COG6: variants seen among roughly 807,000 people sequenced by gnomAD.
COG6 encodes the protein component of oligomeric golgi complex 6, also known as conserved oligomeric Golgi complex subunit 6.
A neutral mutation model predicts 88.8 loss-of-function variants in COG6; 74 were observed. That is an observed-to-expected ratio of 0.83 (90% CI 0.69 to 1.01). The LOEUF (loss-of-function observed/expected upper bound fraction) is 1.01, where lower values mean the gene tolerates loss of function less well. Ranked by LOEUF, COG6 falls within the 50% of genes least tolerant of loss-of-function variation. The pLI, the probability that COG6 is intolerant of heterozygous loss-of-function variation, is 0.00. For synonymous variants in COG6, 286 were observed against 278.7 expected (o/e 1.03, Z -0.26); for missense variants, 800 against 797.9 (o/e 1.00, Z -0.03).
At chr13:39,692,809 T>A (rs937140576) in intron 11 of COG6, among the ~76,000 whole-genome samples, 1 of 152,042 alleles carries the variant, frequency 6.6e-6, no homozygotes, top group African/African-American at 2.4e-5. Context: ...CTTCTCGTAA[T>A]GCAGTTAGGA....
intron 15 of COG6, 84 bp from the exon 16 acceptor site, chr13:39,723,249 T>C (rs1878944401): frequency 2.5e-6 from 2 of 804,418 alleles, no homozygotes; most frequent in Non-Finnish European, 2.2e-6. Flanking sequence ...CTGTGCCTCA[T>C]CATCAGTGCC....
intron 18 of COG6, among the ~76,000 whole-genome samples, chr13:39,745,864 A>C (rs182938363): frequency 1.3e-5 from 2 of 152,328 alleles, no homozygotes; most frequent in East Asian, 1.9e-4. Flanking sequence ...CTGGATTAAG[A>C]AAATGTGGCA....
intron 11 of COG6, among the ~76,000 whole-genome samples, chr13:39,693,809 A>T (rs1183402744): frequency 6.6e-6 from 1 of 151,976 alleles, no homozygotes; most frequent in Non-Finnish European, 1.5e-5. Flanking sequence ...TTAAAAGCAT[A>T]TATTAAACAT....
At chr13:39,765,629 A>G (rs1345780812) in intron 18 of COG6, among the ~76,000 whole-genome samples, 3 of 152,072 alleles carry the variant, frequency 2.0e-5, no homozygotes, top group Non-Finnish European at 4.4e-5. Context: ...TTTTAACTGT[A>G]TGTTGCAACT....
At chr13:39,775,869 A>G (rs1417813474) in intron 18 of COG6, among the ~76,000 whole-genome samples, 2 of 151,506 alleles carry the variant, frequency 1.3e-5, no homozygotes, top group African/African-American at 4.9e-5. Context: ...TCCCAGGTTC[A>G]AGTGATTCTC....
chr13:39,760,414 C>A (rs1271092597), intron 18 of COG6, among the ~76,000 whole-genome samples: 1 of 151,954 alleles, frequency 6.6e-6, no homozygotes, highest in African/African-American at 2.4e-5. Flanking sequence ...CTATTAGATT[C>A]TTTTACAGAC....
chr13:39,704,173 A>G (rs1370871882), intron 13 of COG6, among the ~76,000 whole-genome samples: 3 of 152,180 alleles, frequency 2.0e-5, no homozygotes, highest in Non-Finnish European at 4.4e-5. Context: ...AAGTTTCTAT[A>G]TATTTTATTA....
exon 19 of COG6, chr13:39,788,530 G>A (rs753692083): frequency 9.9e-5 from 61 of 618,314 alleles, no homozygotes; most frequent in Non-Finnish European, 1.7e-4. Flanking sequence ...TGTGAGGGAT[G>A]AACCAAATGG....
At chr13:39,788,200 C>A in intron 18 of COG6, 1 of 882,924 alleles carries the variant, frequency 1.1e-6, no homozygotes. Context: ...TACTCCACCA[C>A]ATGGTAATCA....
Position 39,758,449 on chromosome 13 carries a change from G to A in COG6, c.1827-29886G>A, listed in dbSNP as rs539078449. On this transcript the variant is annotated intron_variant, in intron 18 of 18. Transcript: ENST00000416691. ...TGTGCCAAGTATTTGAATAGGTAAAGAAGATGCACAGATAGCTAACCCTAA... is the reference window on the plus strand; with the variant it reads ...TGTGCCAAGTATTTGAATAGGTAAAAAAGATGCACAGATAGCTAACCCTAA... Among the ~76,000 whole-genome samples the A allele has an allele frequency of 2.0e-5, 3 of 152,252 alleles. No homozygotes were observed. In the East Asian group the frequency reaches 5.8e-4, roughly 29 times the overall value.
intron 8 of COG6, among the ~76,000 whole-genome samples, chr13:39,685,644 G>A (rs750699550): frequency 2.4e-4 from 36 of 152,136 alleles, no homozygotes; most frequent in Non-Finnish European, 3.8e-4. Context: ...AAAGTTAAAC[G>A]TTTGTGAATT....
At chr13:39,716,676 T>C (rs1165199623) in intron 13 of COG6, among the ~76,000 whole-genome samples, 1 of 152,180 alleles carries the variant, frequency 6.6e-6, no homozygotes, top group African/African-American at 2.4e-5. Flanking sequence ...GGGTTAGTTA[T>C]ATTTCCTGAG....
intron 18 of COG6, among the ~76,000 whole-genome samples, chr13:39,739,882 A>G (rs533177318): frequency 2.6e-5 from 4 of 152,160 alleles, no homozygotes; most frequent in Non-Finnish European, 5.9e-5. Flanking sequence ...GCAATTAACA[A>G]ACTAATAGAA....
At chr13:39,669,491 A>G (rs1364558347) in intron 4 of COG6, among the ~76,000 whole-genome samples, 7 of 152,220 alleles carry the variant, frequency 4.6e-5, no homozygotes, top group African/African-American at 7.2e-5. Context: ...TGTTTCTCCT[A>G]AACTGTGAGC....
intron 13 of COG6, among the ~76,000 whole-genome samples, chr13:39,716,904 A>T (rs905973663): frequency 2.6e-5 from 4 of 152,176 alleles, no homozygotes; most frequent in African/African-American, 9.6e-5. Context: ...AAAATACATT[A>T]AAACTGTCTT....
intron 13 of COG6, among the ~76,000 whole-genome samples, chr13:39,709,050 A>G (rs909574688): frequency 6.6e-6 from 1 of 152,158 alleles, no homozygotes; most frequent in Non-Finnish European, 1.5e-5. Flanking sequence ...GGAGTCTGAT[A>G]GAGCTGTACT....
chr13:39,763,229 T>C (rs1183159631), intron 18 of COG6, among the ~76,000 whole-genome samples: 2 of 151,714 alleles, frequency 1.3e-5, no homozygotes, highest in East Asian at 3.8e-4. Flanking sequence ...ATTTACTTAT[T>C]AATTGTAAGC....
In COG6 at chr13:39,655,682, C is replaced by T. The variant is rs761758694; in HGVS notation, c.-45C>T. 24 of 1,553,192 alleles carry T rather than the reference C, an allele frequency of 1.5e-5. No individual in the cohort carries two copies. Among genetic ancestry groups the T allele is most frequent in the Non-Finnish European group, 2.0e-5 (23 of 1,148,802 alleles). On this transcript the variant is annotated 5_prime_UTR_variant, in exon 1 of 19. Coordinates refer to ENST00000455146, the MANE Select transcript of COG6 (RefSeq NM_020751.3). ...GCAATACTCGCGCTGCCTCCGTGGT[C>T]CCTGCCTGGCTGAGGTGGCAGCAGG...
At chr13:39,705,618 A>C (rs554892016) in intron 13 of COG6, among the ~76,000 whole-genome samples, 4 of 152,280 alleles carry the variant, frequency 2.6e-5, no homozygotes, top group African/African-American at 9.6e-5. Context: ...TCAAGTTAAT[A>C]GTAGTCAGGA....
Sources: gnomAD v4.1 joint callset for allele counts (sites outside exome capture counted in the v4.1 genomes callset) on GRCh38, gnomAD v4.1.1 for gene constraint, MANE v1.5 for transcripts, NCBI Gene and HGNC (gene_info 2026-07-23, HGNC 2026-07-21) for gene names.